Variants in PPEF2 observed in about 807,000 individuals in gnomAD.
PPEF2 encodes protein phosphatase with EF-hand domain 2.
A neutral mutation model predicts 84.7 loss-of-function variants in PPEF2; 84 were observed. That is an observed-to-expected ratio of 0.99 (90% CI 0.83 to 1.19). PPEF2 has a LOEUF of 1.19. Ranked by LOEUF, PPEF2 falls within the 50% of genes most tolerant of loss-of-function variation. The pLI, the probability that PPEF2 is intolerant of heterozygous loss-of-function variation, is 0.00. For synonymous variants in PPEF2, 346 were observed against 345.2 expected, an observed-to-expected ratio of 1.00 and a Z score of -0.03; for missense variants, 924 against 937.5, an observed-to-expected ratio of 0.99 and a Z score of 0.19.
intron 4 of PPEF2, 117 bp downstream of exon 4, chr4:75,891,531 T>C (rs1207493455): frequency 8.3e-7 from 1 of 1,204,720 alleles, no homozygotes; most frequent in African/African-American, 1.5e-5. Flanking sequence ...CTCAGCCCCT[T>C]GCTTATTCCC....
chr4:75,891,711 G>GT lies in PPEF2; in HGVS notation c.184-7_184-6insA, dbSNP rs754868958. 12 of 1,610,428 alleles carry GT rather than the reference G, an allele frequency of 7.5e-6. No homozygotes were observed. The highest frequency in any genetic ancestry group is 1.0e-5 in the Non-Finnish European group (12 of 1,178,604). ...TAGCTGAAGAAGTCATGGAGCTGCA[G>GT]AAGAACCCAAGGAGACGTGGCTTTA... On this transcript the variant is annotated splice_region_variant and splice_polypyrimidine_tract_variant and intron_variant, in intron 3 of 16. Transcript: ENST00000286719.
At chr4:75,864,937 T>TTTTG (rs1332963265) in intron 15 of PPEF2, among the ~76,000 whole-genome samples, 1 of 152,144 alleles carries the variant, frequency 6.6e-6, no homozygotes, top group Non-Finnish European at 1.5e-5. Flanking sequence ...TGAATGTAAT[T>TTTTG]TTTGTTTGTT....
rs190830335 is a variant in PPEF2, at chr4:75,872,614, G to A, written c.1507-447C>T. Among the ~76,000 whole-genome samples the A allele has an allele frequency of 5.3e-4, 81 of 152,282 alleles. 1 individual carries two copies. Among genetic ancestry groups the A allele is most frequent in the African/African-American group, 1.9e-3 (77 of 41,564 alleles). ...TGAAAAAAGTTTTCACAGTCAATAC[G>A]TTGGGAAATGCTAGATACTGTATCT... On this transcript the variant is annotated intron_variant, in intron 12 of 16. Coordinates refer to ENST00000286719, the MANE Select transcript of PPEF2 (RefSeq NM_006239.3).
chr4:75,888,492 C>T (rs1261114460), intron 5 of PPEF2, among the ~76,000 whole-genome samples, 164 bp from the exon 6 acceptor site: 1 of 152,210 alleles, frequency 6.6e-6, no homozygotes, highest in Non-Finnish European at 1.5e-5. Context: ...TATCACTCAA[C>T]TTCTGCCCTT....
chr4:75,875,593 G>A (rs887996371), intron 11 of PPEF2, among the ~76,000 whole-genome samples: 3 of 152,076 alleles, frequency 2.0e-5, no homozygotes, highest in African/African-American at 7.2e-5. Context: ...TGGGCAACTG[G>A]AGTGACATTG....
intron 7 of PPEF2, 21 bp from the exon 8 acceptor site, chr4:75,884,781 TGAAA>T: frequency 6.5e-7 from 1 of 1,542,692 alleles, no homozygotes; most frequent in Non-Finnish European, 8.8e-7. Context: ...AGGAGACCAG[TGAAA>T]GAATGAATGG....
At chr4:75,879,181 C>T (rs543665899) in intron 10 of PPEF2, among the ~76,000 whole-genome samples, 3 of 152,288 alleles carry the variant, frequency 2.0e-5, no homozygotes, top group African/African-American at 7.2e-5. Flanking sequence ...GCTAGGGTCA[C>T]CTGCAGCCTG....
At chr4:75,866,569 C>G in intron 14 of PPEF2, 1 of 642,638 alleles carries the variant, frequency 1.6e-6, no homozygotes, top group Admixed American at 2.4e-5. Context: ...TGAAGACAGA[C>G]AGTAAAGTAT....
At position 75,884,769 on chromosome 4, in the gene PPEF2, C is replaced by T. The variant is rs1444516720; in HGVS notation, c.580-9G>A. 3.8e-6 allele frequency: 6 copies of T among 1,564,814 alleles called. No individual in the cohort carries two copies. The Admixed American group carries it at 1.2e-4, about 32-fold the overall frequency. On this transcript the variant is annotated splice_polypyrimidine_tract_variant and intron_variant, in intron 7 of 16. Transcript: ENST00000286719. ...GGCGACGGGAGGCCATTCTTTTCAA[C>T]AAGGAGACCAGTGAAAGAATGAATG...
In PPEF2 at chr4:75,892,053, G is replaced by A. The variant is rs1724903742; in HGVS notation, c.56-75C>T. ...AGGGGTTTGGGGGTAGGGAGAGGAA[G>A]CTGCTCAGCCCTCTCCCACTGTATA... On this transcript the variant is annotated intron_variant, in intron 2 of 16. Coordinates refer to ENST00000286719, the MANE Select transcript of PPEF2 (RefSeq NM_006239.3). The A allele has an allele frequency of 2.6e-6, 4 of 1,566,288 alleles. No homozygotes were observed. In the East Asian group the frequency reaches 9.1e-5, roughly 36 times the overall value.
At chr4:75,895,876 T>C (rs1724998214) in intron 2 of PPEF2, among the ~76,000 whole-genome samples, 1 of 147,634 alleles carries the variant, frequency 6.8e-6, no homozygotes, top group Non-Finnish European at 1.5e-5. Context: ...ACTCCTGGCC[T>C]ATTGTTTTAA....
chr4:75,860,910 T>G lies in PPEF2; in HGVS notation c.2019A>C (p.Ser673=). The G allele has an allele frequency of 6.2e-7, 1 of 1,614,018 alleles. No individual in the cohort carries two copies. The highest frequency in any genetic ancestry group is 1.1e-5 in the South Asian group (1 of 91,078). Residue 673 remains serine (S), a synonymous_variant, in exon 17 of 17, where the codon TCA becomes TCC. Coordinates refer to ENST00000286719, the MANE Select transcript of PPEF2 (RefSeq NM_006239.3). Reference sequence around the variant, plus strand: ...TCCAGGTCTGCCTGAACTCGTCCAGTGAGATGAACCCTTATCAGAGGGAGG... The same window carrying G: ...TCCAGGTCTGCCTGAACTCGTCCAGGGAGATGAACCCTTATCAGAGGGAGG... ...IIDSDHSGFI[S]LDEFRQTWKL...
intron 6 of PPEF2, among the ~76,000 whole-genome samples, chr4:75,887,611 A>T (rs943537918): frequency 8.8e-6 from 1 of 113,206 alleles, no homozygotes; most frequent in Admixed American, 1.1e-4. Flanking sequence ...ACAGAGCGGG[A>T]CTGTGTCTCA....
chr4:75,896,540 T>C, intron 1 of PPEF2, 157 bp from the exon 2 acceptor site: 1 of 605,798 alleles, frequency 1.7e-6, no homozygotes, highest in Non-Finnish European at 3.0e-6. Flanking sequence ...CCATTTGTCA[T>C]TCCCTAGGTC....
intron 2 of PPEF2, among the ~76,000 whole-genome samples, chr4:75,896,069 G>A (rs1725003116): frequency 1.3e-5 from 2 of 152,144 alleles, no homozygotes; most frequent in South Asian, 2.1e-4. Flanking sequence ...CTAACTTCCT[G>A]AGCGAATGTT....
At chr4:75,891,540 C>G in intron 4 of PPEF2, 108 bp downstream of exon 4, 9 of 1,289,924 alleles carry the variant, frequency 7.0e-6, no homozygotes, top group Non-Finnish European at 8.5e-6. Flanking sequence ...TTGCTTATTC[C>G]CTGGCTGTCA....
intron 11 of PPEF2, among the ~76,000 whole-genome samples, chr4:75,875,026 C>T (rs1192043204): frequency 3.3e-5 from 5 of 151,918 alleles, no homozygotes; most frequent in Admixed American, 2.0e-4. Flanking sequence ...CTCAGCCTCC[C>T]GAATAGCTGG....
chr4:75,899,222 G>T (rs934909775), intron 1 of PPEF2, among the ~76,000 whole-genome samples: 2 of 152,164 alleles, frequency 1.3e-5, no homozygotes, highest in Non-Finnish European at 2.9e-5. Flanking sequence ...GTATTCCACT[G>T]TACATATATA....
chr4:75,873,646 T>G (rs1336846035), intron 11 of PPEF2, among the ~76,000 whole-genome samples: 1 of 152,180 alleles, frequency 6.6e-6, no homozygotes, highest in Non-Finnish European at 1.5e-5. Flanking sequence ...TGTCAGTCAG[T>G]GCCAATGCTC....
Sources: allele counts gnomAD v4.1 joint callset (sites outside exome capture counted in the v4.1 genomes callset), GRCh38; gene constraint gnomAD v4.1.1; transcripts MANE v1.5; gene names NCBI Gene and HGNC (gene_info 2026-07-23, HGNC 2026-07-21).